The following ZRANB3 variants were observed in gnomAD, a reference collection of about 807,000 sequenced individuals.
The protein encoded by ZRANB3 is zinc finger RANBP2-type containing 3.
In ZRANB3, 125 loss-of-function variants were observed where a neutral mutation model predicts 133.8. The observed-to-expected ratio is 0.93, with a 90% CI of 0.81 to 1.08. ZRANB3 has a LOEUF of 1.08. ZRANB3 is among the 50% of genes least tolerant of loss of function. ZRANB3 has a pLI of 0.00. For missense variants in ZRANB3, 1,229 were observed against 1,275.5 expected (o/e 0.96, Z 0.56); for synonymous variants, 387 against 432.7 (o/e 0.89, Z 1.31).
intron 8 of ZRANB3, among the ~76,000 whole-genome samples, chr2:135,312,511 A>G (rs1683044906): frequency 6.6e-6 from 1 of 152,220 alleles, no homozygotes; most frequent in Non-Finnish European, 1.5e-5. Context: ...GGTAAAAACA[A>G]CTACCACAAA....
chr2:135,382,174 G>A (rs1017763193), intron 3 of ZRANB3, among the ~76,000 whole-genome samples: 1 of 152,182 alleles, frequency 6.6e-6, no homozygotes, highest in Admixed American at 6.5e-5. Context: ...GAAAACCATG[G>A]CACGAGAACT....
intron 8 of ZRANB3, among the ~76,000 whole-genome samples, chr2:135,287,570 G>A (rs933161556): frequency 2.0e-5 from 3 of 151,414 alleles, no homozygotes; most frequent in African/African-American, 4.9e-5. Context: ...ATGTGTTGAC[G>A]TGTTTCCATT....
rs149670951 is a variant in ZRANB3, at chr2:135,333,819, A to G, written c.677+11731T>C. On this transcript the variant is annotated intron_variant, in intron 6 of 20. Coordinates refer to ENST00000264159, the MANE Select transcript of ZRANB3 (RefSeq NM_032143.4). ...TTAAATGGTAAATTTTGTTGTACAT[A>G]TTTTACTGCAATTGAAAAACCTAAA... 3.9e-5 allele frequency among the ~76,000 whole-genome samples: 6 copies of G among 152,334 alleles called. No homozygotes were observed. The East Asian group carries it at 1.2e-3, about 29-fold the overall frequency.
chr2:135,336,120 AGGCATT>A (rs1684360332), intron 6 of ZRANB3, among the ~76,000 whole-genome samples: 2 of 152,152 alleles, frequency 1.3e-5, no homozygotes, highest in South Asian at 4.1e-4. Context: ...GAATGATGTA[AGGCATT>A]TTGGATAAGA....
chr2:135,430,863 G>A (rs552137409), intron 2 of ZRANB3, among the ~76,000 whole-genome samples: 298 of 152,094 alleles, frequency 2.0e-3, no homozygotes, highest in African/African-American at 6.6e-3. Context: ...ATTTCCATAC[G>A]TAAAAACAAA....
intron 2 of ZRANB3, among the ~76,000 whole-genome samples, chr2:135,458,386 T>A (rs1690618339): frequency 6.6e-6 from 1 of 151,906 alleles, no homozygotes; most frequent in African/African-American, 2.4e-5. Context: ...AGAATCAGCT[T>A]GCCAAGGCTG....
At chr2:135,335,897 GA>G (rs928894263) in intron 6 of ZRANB3, among the ~76,000 whole-genome samples, 74 of 149,560 alleles carry the variant, frequency 4.9e-4, no homozygotes, top group African/African-American at 1.6e-3. Flanking sequence ...CTTCCAGGGG[GA>G]AAAAAAAACA....
chr2:135,331,955 T>C (rs1684167043), intron 6 of ZRANB3, among the ~76,000 whole-genome samples: 1 of 152,128 alleles, frequency 6.6e-6, no homozygotes. Context: ...ATAAACTATC[T>C]TTAAATCAAT....
At chr2:135,513,024 T>C (rs1467295051) in intron 1 of ZRANB3, among the ~76,000 whole-genome samples, 1 of 152,150 alleles carries the variant, frequency 6.6e-6, no homozygotes, top group African/African-American at 2.4e-5. Flanking sequence ...GAAGCCAGCC[T>C]AAACAATCTC....
At chr2:135,228,349 C>A in intron 13 of ZRANB3, 1 of 192,486 alleles carries the variant, frequency 5.2e-6, no homozygotes, top group South Asian at 9.4e-5. Context: ...TTTTGGAGAG[C>A]ACTACTATAG....
chr2:135,216,843 T>G (rs899708434), intron 17 of ZRANB3, among the ~76,000 whole-genome samples: 5 of 152,236 alleles, frequency 3.3e-5, no homozygotes, highest in African/African-American at 9.6e-5. Flanking sequence ...GAACAGGGAT[T>G]TGAGATCACA....
chr2:135,270,834 T>C (rs1034492912), intron 10 of ZRANB3, among the ~76,000 whole-genome samples: 1 of 152,244 alleles, frequency 6.6e-6, no homozygotes, highest in African/African-American at 2.4e-5. Context: ...CTTTTCCCTA[T>C]GTTAAATATC....
At chr2:135,360,479 G>T (rs1212553273) in intron 3 of ZRANB3, among the ~76,000 whole-genome samples, 1 of 152,136 alleles carries the variant, frequency 6.6e-6, no homozygotes, top group Non-Finnish European at 1.5e-5. Context: ...GCCAAGGTGG[G>T]CGGATCACAA....
intron 12 of ZRANB3, among the ~76,000 whole-genome samples, chr2:135,252,153 T>C (rs947783031): frequency 2.0e-5 from 3 of 152,084 alleles, no homozygotes; most frequent in East Asian, 1.9e-4. Context: ...TAAGAACTTA[T>C]GAACACAAAA....
chr2:135,451,744 G>A (rs1690281531), intron 2 of ZRANB3, among the ~76,000 whole-genome samples: 1 of 152,086 alleles, frequency 6.6e-6, no homozygotes, highest in Non-Finnish European at 1.5e-5. Flanking sequence ...ACCACTAGAA[G>A]GATATTAAAA....
chr2:135,429,189 C>T (rs565776890), intron 2 of ZRANB3, among the ~76,000 whole-genome samples: 1 of 152,230 alleles, frequency 6.6e-6, no homozygotes, highest in East Asian at 1.9e-4. Context: ...ATACATTATG[C>T]AATACTATAC....
intron 3 of ZRANB3, among the ~76,000 whole-genome samples, chr2:135,368,011 A>G (rs1214133532): frequency 6.6e-6 from 1 of 152,144 alleles, no homozygotes; most frequent in African/African-American, 2.4e-5. Flanking sequence ...AAATGAATCT[A>G]TACATAGAAT....
At chr2:135,222,415 AAG>A (rs1694591624) in intron 15 of ZRANB3, among the ~76,000 whole-genome samples, 1 of 152,008 alleles carries the variant, frequency 6.6e-6, no homozygotes, top group Admixed American at 6.6e-5. Context: ...AAAAAAAAAA[AAG>A]AAATTTAAAA....
intron 2 of ZRANB3, among the ~76,000 whole-genome samples, chr2:135,447,470 A>G (rs1040813358): frequency 1.3e-5 from 2 of 152,024 alleles, no homozygotes; most frequent in Non-Finnish European, 2.9e-5. Context: ...AGCATTCTCT[A>G]TGTTTCTCAG....
Sources: gnomAD v4.1 joint callset for allele counts (sites outside exome capture counted in the v4.1 genomes callset) on GRCh38, gnomAD v4.1.1 for gene constraint, MANE v1.5 for transcripts, NCBI Gene and HGNC (gene_info 2026-07-23, HGNC 2026-07-21) for gene names.